The following SCN11A variants were observed in gnomAD, a reference collection of about 807,000 sequenced individuals.
SCN11A encodes sodium voltage-gated channel alpha subunit 11, also known as sodium channel protein type 11 subunit alpha.
A neutral mutation model predicts 162.2 loss-of-function variants in SCN11A; 122 were observed. The ratio of observed to expected loss-of-function variants is 0.75; its 90% CI spans 0.65 to 0.87. The LOEUF is 0.87. Ranked by LOEUF, SCN11A falls within the 40% of genes least tolerant of loss-of-function variation. The pLI is 0.00. For synonymous variants in SCN11A, 758 were observed against 751.5 expected (o/e 1.01, Z -0.14); for missense variants, 2,015 against 2,181.6 (o/e 0.92, Z 1.52).
rs976673249 is a variant in SCN11A at position 38,936,666 on chromosome 3, G to A, written c.488+8745C>T. ...ATACCTAGGAATCCAACTTACAAGG[G>A]ACGTGAAGGACCTCTTCAAGGAGAA... is the stretch of plus-strand genomic sequence containing the variant. On this transcript the variant is annotated intron_variant, in intron 7 of 29. Transcript: ENST00000302328. Among the ~76,000 whole-genome samples the A allele has an allele frequency of 8.6e-5, 13 of 151,962 alleles. No individual in the cohort carries two copies. The Middle Eastern group carries it at 0.01, about 119-fold the overall frequency.
chr3:38,957,689 T>C (rs989921087), intron 3 of SCN11A, among the ~76,000 whole-genome samples: 1 of 152,224 alleles, frequency 6.6e-6, no homozygotes, highest in Admixed American at 6.5e-5. Context: ...TCCTGCCGAA[T>C]AGACAGAAAG....
At chr3:39,006,585 AAG>A (rs1049627781) in intron 2 of SCN11A, among the ~76,000 whole-genome samples, 2 of 122,272 alleles carry the variant, frequency 1.6e-5, no homozygotes, top group Non-Finnish European at 3.9e-5. Flanking sequence ...GGAAAAAAAA[AAG>A]AAGAAGAAGA....
At chr3:38,956,636 T>C (rs1255948044) in intron 3 of SCN11A, among the ~76,000 whole-genome samples, 1 of 152,132 alleles carries the variant, frequency 6.6e-6, no homozygotes, top group Non-Finnish European at 1.5e-5. Flanking sequence ...ATAGTACAGT[T>C]CTTGGTTCCG....
chr3:38,926,677 C>T (rs2066146357), intron 8 of SCN11A, 126 bp downstream of exon 8: 2 of 980,240 alleles, frequency 2.0e-6, no homozygotes, highest in Non-Finnish European at 3.1e-6. Flanking sequence ...CAACACAGCA[C>T]TCAGAGCTCT....
At chr3:38,996,888 G>A (rs2030662475) in intron 2 of SCN11A, among the ~76,000 whole-genome samples, 1 of 152,138 alleles carries the variant, frequency 6.6e-6, no homozygotes, top group Admixed American at 6.5e-5. Flanking sequence ...GCAGTGAGCA[G>A]CCACTTGATC....
Position 38,847,619 on chromosome 3 carries a change from C to T in SCN11A, c.4451G>A (p.Arg1484Lys), listed in dbSNP as rs762185295. ...CATCATCAGAGCAAAGAGGAGAGTC[C>T]TGATTCCTCGTGCAGCCCGGACAAG... ...LRLVRAARGI[R>K]TLLFALMMSL... is the part of the protein sequence containing the mutation. Residue 1484 changes from arginine (R) to lysine (K), a missense_variant, in exon 30 of 30, where the codon AGG (arginine) becomes AAG (lysine). Transcript: ENST00000302328. 6.2e-7 allele frequency: 1 copy of T among 1,614,122 alleles called. No individual in the cohort carries two copies. Among genetic ancestry groups the T allele is most frequent in the East Asian group, 2.2e-5 (1 of 44,872 alleles).
intron 1 of SCN11A, among the ~76,000 whole-genome samples, chr3:39,036,163 A>G (rs1021842762): frequency 1.3e-5 from 2 of 151,722 alleles, no homozygotes; most frequent in African/African-American, 4.8e-5. Flanking sequence ...TTTTTTTTAG[A>G]GACAGAGTCT....
At chr3:39,021,111 G>A (rs981491777) in intron 2 of SCN11A, among the ~76,000 whole-genome samples, 1 of 152,004 alleles carries the variant, frequency 6.6e-6, no homozygotes. Flanking sequence ...ATTTGTGGAT[G>A]GGGCAGTACC....
intron 2 of SCN11A, among the ~76,000 whole-genome samples, chr3:38,964,240 C>A (rs896936445): frequency 6.6e-6 from 1 of 152,202 alleles, no homozygotes; most frequent in Admixed American, 6.5e-5. Flanking sequence ...GGCAGCAAGA[C>A]CCTGCCAGTC....
At chr3:38,860,820 CA>C (rs1200641374) in intron 28 of SCN11A, among the ~76,000 whole-genome samples, 3 of 152,098 alleles carry the variant, frequency 2.0e-5, no homozygotes, top group Non-Finnish European at 4.4e-5. Flanking sequence ...TTCCCTATGA[CA>C]ACTGGGACAA....
chr3:38,968,577 C>A (rs910117589), intron 2 of SCN11A, among the ~76,000 whole-genome samples: 1 of 150,572 alleles, frequency 6.6e-6, no homozygotes, highest in Non-Finnish European at 1.5e-5. Flanking sequence ...ACACATGCCT[C>A]CCCCCAACAC....
chr3:38,987,552 AC>A (rs1436677282), intron 2 of SCN11A, among the ~76,000 whole-genome samples: 7 of 152,134 alleles, frequency 4.6e-5, no homozygotes, highest in African/African-American at 1.7e-4. Context: ...GAGATCCAAG[AC>A]TTTTCTCCTA....
chr3:38,883,359 G>T lies in SCN11A; in HGVS notation c.3093C>A (p.Ser1031Arg), dbSNP rs759849645. The change falls in exon 22 of 30, where the codon AGC becomes AGA. Residue 1031 changes from serine to arginine, a missense_variant. Coordinates refer to ENST00000302328, the MANE Select transcript of SCN11A (RefSeq NM_001349253.2). ...CCCAGGGAGGCTTTCTCTTGTCCAC[G>T]CTACAGCATGGAAAGCAGCAACCAA... ...KGFGCCFPCC[S>R]VDKRKPPWVI... The T allele has an allele frequency of 1.9e-6, 3 of 1,613,594 alleles. No individual in the cohort carries two copies. Among genetic ancestry groups the T allele is most frequent in the African/African-American group, 2.7e-5 (2 of 74,880 alleles).
chr3:38,929,737 TC>T (rs1424902587), intron 7 of SCN11A, among the ~76,000 whole-genome samples: 3 of 152,108 alleles, frequency 2.0e-5, no homozygotes, highest in Admixed American at 1.3e-4. Flanking sequence ...TGAAGACACT[TC>T]CTTTGTGATG....
chr3:38,979,617 TC>T (rs2029944255), intron 2 of SCN11A, among the ~76,000 whole-genome samples: 2 of 152,226 alleles, frequency 1.3e-5, no homozygotes, highest in African/African-American at 4.8e-5. Flanking sequence ...CTTTTAGACT[TC>T]ACATTTCATA....
intron 2 of SCN11A, among the ~76,000 whole-genome samples, chr3:39,031,542 C>CAA (rs796217497): frequency 0.075 from 10,042 of 133,334 alleles, 1,108 homozygotes; most frequent in African/African-American, 0.24. Flanking sequence ...AACAAACAAA[C>CAA]AAAAAAAAAA....
intron 2 of SCN11A, among the ~76,000 whole-genome samples, chr3:39,022,897 TA>T (rs1227413845): frequency 6.6e-6 from 1 of 151,636 alleles, no homozygotes; most frequent in Admixed American, 6.6e-5. Flanking sequence ...AATAAATAAA[TA>T]AAATAAAATA....
chr3:39,001,347 A>C (rs1480119067), intron 2 of SCN11A, among the ~76,000 whole-genome samples: 1 of 152,122 alleles, frequency 6.6e-6, no homozygotes, highest in Non-Finnish European at 1.5e-5. Context: ...GAATCTGCCT[A>C]CTCTGGGCAA....
chr3:38,974,518 A>AC (rs2066835776), intron 2 of SCN11A, among the ~76,000 whole-genome samples: 1 of 151,910 alleles, frequency 6.6e-6, no homozygotes, highest in East Asian at 1.9e-4. Flanking sequence ...ACACGGTGAA[A>AC]CCCCGTCTCT....
Sources: gnomAD v4.1 joint callset for allele counts (sites outside exome capture counted in the v4.1 genomes callset) on GRCh38, gnomAD v4.1.1 for gene constraint, MANE v1.5 for transcripts, NCBI Gene and HGNC (gene_info 2026-07-23, HGNC 2026-07-21) for gene names.